The following SLC24A4 variants were observed in gnomAD, a reference collection of about 807,000 sequenced individuals.
SLC24A4 encodes sodium/potassium/calcium exchanger 4.
Under a neutral mutation model 79.0 loss-of-function variants are expected in SLC24A4, and 53 were observed. The observed-to-expected ratio is 0.67, with a 90% CI of 0.54 to 0.84. The LOEUF is 0.84. Ranked by LOEUF, SLC24A4 falls within the 40% of genes least tolerant of loss-of-function variation. The pLI, the probability that SLC24A4 is intolerant of heterozygous loss-of-function variation, is 0.00. For synonymous variants in SLC24A4, 323 were observed against 323.8 expected, an observed-to-expected ratio of 1.00 and a Z score of 0.03; for missense variants, 731 against 822.0, an observed-to-expected ratio of 0.89 and a Z score of 1.35.
chr14:92,474,863 A>ATATATATATATATATATATTTT (rs36185636), intron 12 of SLC24A4, among the ~76,000 whole-genome samples: 1 of 57,144 alleles, frequency 1.7e-5, no homozygotes. Context: ...ATATATATAT[A>ATATATATATATATATATATTTT]TTTTTTTTTT....
chr14:92,492,120 A>G lies in SLC24A4; in HGVS notation c.1651-55A>G, dbSNP rs1174376546. On this transcript the variant is annotated intron_variant, in intron 15 of 16. Transcript: ENST00000532405. Reference sequence around the variant, plus strand: ...GGCCCAGGCATGCTGGGATTTCTGGATGGATTGGCTCTGAGCAGTCAAGAG... The same window carrying G: ...GGCCCAGGCATGCTGGGATTTCTGGGTGGATTGGCTCTGAGCAGTCAAGAG... 3.3e-6 allele frequency: 5 copies of G among 1,534,676 alleles called. No individual in the cohort carries two copies. In the Admixed American group the frequency reaches 8.5e-5, roughly 26 times the overall value.
intron 2 of SLC24A4, among the ~76,000 whole-genome samples, chr14:92,417,222 A>G (rs908131766): frequency 6.6e-6 from 1 of 152,232 alleles, no homozygotes; most frequent in African/African-American, 2.4e-5. Context: ...TTATACAGAT[A>G]GGGAGCTGAA....
intron 12 of SLC24A4, among the ~76,000 whole-genome samples, chr14:92,460,045 G>T (rs1893711177): frequency 6.6e-6 from 1 of 152,182 alleles, no homozygotes; most frequent in African/African-American, 2.4e-5. Flanking sequence ...AGGGGCCGCG[G>T]GAAGAGGGGG....
At chr14:92,382,118 AC>A (rs1358800245) in intron 2 of SLC24A4, among the ~76,000 whole-genome samples, 1 of 152,120 alleles carries the variant, frequency 6.6e-6, no homozygotes, top group Non-Finnish European at 1.5e-5. Flanking sequence ...ACACACACAC[AC>A]ACATAAATCT....
At chr14:92,474,600 T>G (rs1894611254) in intron 12 of SLC24A4, among the ~76,000 whole-genome samples, 1 of 151,418 alleles carries the variant, frequency 6.6e-6, no homozygotes, top group African/African-American at 2.4e-5. Context: ...TTCTCCTGCC[T>G]CAGCCTCCCA....
intron 2 of SLC24A4, among the ~76,000 whole-genome samples, chr14:92,354,882 C>T (rs1255506440): frequency 6.6e-6 from 1 of 151,996 alleles, no homozygotes; most frequent in Non-Finnish European, 1.5e-5. Context: ...GAGACCAGCC[C>T]GGCCAACATG....
intron 12 of SLC24A4, among the ~76,000 whole-genome samples, chr14:92,474,844 T>TGTGTATATATATATAA (rs1491116794): frequency 4.0e-5 from 1 of 24,728 alleles, no homozygotes; most frequent in Admixed American, 5.1e-4. Context: ...TGTGTGTGTG[T>TGTGTATATATATATAA]ATATATATAT....
Position 92,493,696 on chromosome 14 carries a change from T to G in SLC24A4, c.*68T>G. The G allele has an allele frequency of 1.3e-6, 2 of 1,542,992 alleles. No individual in the cohort carries two copies. Among genetic ancestry groups the G allele is most frequent in the Non-Finnish European group, 1.8e-6 (2 of 1,132,692 alleles). ...ACACTGGCGTTCTCCTCTCCCCTCC[T>G]TCCCCCACCACAGGTCTCTCCTGCA... On this transcript the variant is annotated 3_prime_UTR_variant, in exon 17 of 17. Coordinates refer to ENST00000532405, the MANE Select transcript of SLC24A4 (RefSeq NM_153646.4).
At chr14:92,440,560 A>T (rs1892433830) in intron 4 of SLC24A4, among the ~76,000 whole-genome samples, 2 of 152,020 alleles carry the variant, frequency 1.3e-5, no homozygotes, top group South Asian at 4.1e-4. Context: ...AATGGGGTTG[A>T]TGGGAGCCTA....
At chr14:92,416,315 C>T (rs570322225) in intron 2 of SLC24A4, among the ~76,000 whole-genome samples, 5 of 152,202 alleles carry the variant, frequency 3.3e-5, no homozygotes, top group South Asian at 2.1e-4. Context: ...TTTCCTGCCA[C>T]GCTCTGTGTG....
chr14:92,473,129 C>G (rs374519679), intron 12 of SLC24A4, among the ~76,000 whole-genome samples: 10 of 152,300 alleles, frequency 6.6e-5, no homozygotes, highest in Middle Eastern at 3.4e-3. Context: ...ACCTCTGTGT[C>G]TTACCACACC....
intron 13 of SLC24A4, chr14:92,484,850 G>A (rs1895267531): frequency 6.1e-6 from 6 of 985,302 alleles, no homozygotes; most frequent in Non-Finnish European, 7.2e-6. Context: ...GTGATTACCT[G>A]GTAACAGTCA....
intron 2 of SLC24A4, among the ~76,000 whole-genome samples, chr14:92,428,201 G>A (rs1891673127): frequency 6.6e-6 from 1 of 152,192 alleles, no homozygotes; most frequent in South Asian, 2.1e-4. Flanking sequence ...ATTGCCAGGA[G>A]AGCCTCTTGA....
intron 12 of SLC24A4, among the ~76,000 whole-genome samples, chr14:92,480,286 C>CTTTTT (rs66533065): frequency 0.29 from 17,967 of 61,710 alleles, 5,459 homozygotes; most frequent in Non-Finnish European, 0.42. Flanking sequence ...AGATCTTTCC[C>CTTTTT]TTTTTTTTTT....
At chr14:92,443,580 G>A in intron 7 of SLC24A4, 106 bp downstream of exon 7, 1 of 1,120,556 alleles carries the variant, frequency 8.9e-7, no homozygotes, top group Non-Finnish European at 1.3e-6. Flanking sequence ...AGGACTCACA[G>A]CACACAATAG....
chr14:92,474,528 A>T (rs1894604526), intron 12 of SLC24A4, among the ~76,000 whole-genome samples: 1 of 151,880 alleles, frequency 6.6e-6, no homozygotes. Context: ...TTTATTGCCC[A>T]GGCTGGAGTG....
At chr14:92,379,122 C>T (rs1049475253) in intron 2 of SLC24A4, among the ~76,000 whole-genome samples, 7 of 152,088 alleles carry the variant, frequency 4.6e-5, no homozygotes, top group Non-Finnish European at 7.4e-5. Context: ...CCTTGGAATG[C>T]GAGAGAGGTG....
At chr14:92,472,541 T>A (rs1411566519) in intron 12 of SLC24A4, among the ~76,000 whole-genome samples, 1 of 152,188 alleles carries the variant, frequency 6.6e-6, no homozygotes, top group East Asian at 1.9e-4. Flanking sequence ...AGAATAATAG[T>A]CCCCAATCCC....
chr14:92,333,512 C>T (rs1308697569), intron 2 of SLC24A4, among the ~76,000 whole-genome samples: 3 of 152,140 alleles, frequency 2.0e-5, no homozygotes, highest in Admixed American at 6.5e-5. Flanking sequence ...CTTGATTTCC[C>T]CTTGTTGTTG....
Sources: allele counts gnomAD v4.1 joint callset (sites outside exome capture counted in the v4.1 genomes callset), GRCh38; gene constraint gnomAD v4.1.1; transcripts MANE v1.5; gene names NCBI Gene and HGNC (gene_info 2026-07-23, HGNC 2026-07-21).